Variants in SLC6A7 observed in about 807,000 individuals in gnomAD.
SLC6A7 encodes solute carrier family 6 member 7, also known as sodium-dependent proline transporter.
Under a neutral mutation model 73.1 loss-of-function variants are expected in SLC6A7, and 58 were observed. That is an observed-to-expected ratio of 0.79 (90% CI 0.64 to 0.99). The LOEUF (loss-of-function observed/expected upper bound fraction) is 0.99. SLC6A7 is among the 50% of genes least tolerant of loss of function. The probability of loss-of-function intolerance (pLI) is 0.00; values close to 1 mark genes in which losing one functional copy is unlikely to be tolerated. For synonymous variants in SLC6A7, 338 were observed against 338.7 expected (o/e 1.00, Z 0.02); for missense variants, 783 against 831.4 (o/e 0.94, Z 0.72).
chr5:150,198,105 AAG>A lies in SLC6A7; in HGVS notation c.584+831_584+832del, dbSNP rs1188448747. ...AAAGAAAGAAAGAAAGAAAGAAAGA[AAG>A]AAAGAAAGAGAAAGAAAGAAAGAAA... On this transcript the variant is annotated intron_variant, in intron 4 of 13. Coordinates refer to ENST00000230671, the MANE Select transcript of SLC6A7 (RefSeq NM_014228.5). Among the ~76,000 whole-genome samples the A allele has an allele frequency of 4.8e-5, 5 of 103,260 alleles. 1 individual carries two copies. The highest frequency in any genetic ancestry group is 1.4e-4 in the African/African-American group (4 of 28,528). 67.7% of individuals were successfully genotyped at this position (103,260 alleles called of 152,430 possible).
In SLC6A7 at chr5:150,209,556, G is replaced by A. The variant is rs766178501; in HGVS notation, c.1852G>A (p.Glu618Lys). The A allele has an allele frequency of 6.2e-6, 10 of 1,614,040 alleles. No individual in the cohort carries two copies. In the East Asian group the frequency reaches 1.1e-4, roughly 18 times the overall value. The change falls in exon 14 of 14, where the codon GAG becomes AAG. Residue 618 changes from glutamate to lysine, a missense_variant. Coordinates refer to ENST00000230671, the MANE Select transcript of SLC6A7 (RefSeq NM_014228.5). Reference sequence around the variant, plus strand: ...CAAGTACGGGGGCATCACCAGCTTCGAGAACACGGCCATCGAGGTGGACCG... The same window carrying A: ...CAAGTACGGGGGCATCACCAGCTTCAAGAACACGGCCATCGAGGTGGACCG... Reference protein sequence around the residue: ...MRKYGGITSFENTAIEVDREI... With the variant: ...MRKYGGITSFKNTAIEVDREI...
chr5:150,197,319 A>T, intron 4 of SLC6A7, 43 bp downstream of exon 4: 1 of 1,365,668 alleles, frequency 7.3e-7, no homozygotes, highest in Non-Finnish European at 1.0e-6. Flanking sequence ...GGGACCCTGC[A>T]CTGCTGAGGG....
chr5:150,190,561 G>A (rs995867313), intron 1 of SLC6A7, among the ~76,000 whole-genome samples: 8 of 152,198 alleles, frequency 5.3e-5, no homozygotes, highest in Non-Finnish European at 1.0e-4. Flanking sequence ...TCTGGGGTTC[G>A]GGATGTAGTA....
chr5:150,205,409 A>C (rs767575506), intron 12 of SLC6A7, 47 bp from the exon 13 acceptor site: 5 of 1,524,548 alleles, frequency 3.3e-6, no homozygotes, highest in Non-Finnish European at 4.4e-6. Flanking sequence ...GGCCTTAAGC[A>C]GTTTAGACAA....
chr5:150,201,544 A>G (rs1016173867), intron 6 of SLC6A7, among the ~76,000 whole-genome samples: 1 of 152,162 alleles, frequency 6.6e-6, no homozygotes, highest in African/African-American at 2.4e-5. Flanking sequence ...ATTCTCCAAG[A>G]ATACGATATA....
intron 4 of SLC6A7, among the ~76,000 whole-genome samples, chr5:150,198,811 GGTGTGTGTGTGTGTGTGTGTGTGTGT>G (rs774414750): frequency 1.8e-5 from 2 of 112,026 alleles, no homozygotes; most frequent in South Asian, 6.5e-4. Context: ...GGCCCTGGAT[GGTGTGTGTGTGTGTGTGTGTGTGTGT>G]GTGTGTGTGT....
chr5:150,204,204 G>T (rs1339748242), intron 10 of SLC6A7, among the ~76,000 whole-genome samples, 166 bp downstream of exon 10: 5 of 152,196 alleles, frequency 3.3e-5, no homozygotes, highest in African/African-American at 1.2e-4. Context: ...GTTTGGCCTT[G>T]TGATCCAGAG....
intron 1 of SLC6A7, among the ~76,000 whole-genome samples, chr5:150,194,123 C>T (rs1181819232): frequency 1.3e-5 from 2 of 152,186 alleles, no homozygotes; most frequent in African/African-American, 4.8e-5. Flanking sequence ...TCGTCATCCT[C>T]ATCCTCATCA....
Position 150,203,820 on chromosome 5 carries a change from G to GTGGTGTGT in SLC6A7, c.1200+41_1200+42insTGGTGTGT, listed in dbSNP as rs1554116761. The GTGGTGTGT allele has an allele frequency of 2.0e-4, 158 of 802,592 alleles. 1 individual carries two copies. The African/African-American group carries it at 2.5e-3, about 13-fold the overall frequency. 49.7% of individuals were successfully genotyped at this position (802,592 alleles called of 1,614,324 possible). Reference sequence around the variant, plus strand: ...GGCAGCAGGCACCCCGTGTGTGTGTGGTGTGTGTGTGTGTGTGTGTGTGTG... The same window carrying GTGGTGTGT: ...GGCAGCAGGCACCCCGTGTGTGTGTGTGGTGTGTGTGTGTGTGTGTGTGTGTGTGTGTG... On this transcript the variant is annotated intron_variant, in intron 9 of 13. Coordinates refer to ENST00000230671, the MANE Select transcript of SLC6A7 (RefSeq NM_014228.5).
chr5:150,192,225 G>C (rs1319270810), intron 1 of SLC6A7, among the ~76,000 whole-genome samples: 2 of 152,036 alleles, frequency 1.3e-5, no homozygotes, highest in Admixed American at 6.6e-5. Context: ...TTTGACCTTG[G>C]GCTCATCCCT....
intron 6 of SLC6A7, 79 bp downstream of exon 6, chr5:150,201,302 G>A (rs1014525220): frequency 1.3e-5 from 13 of 1,015,008 alleles, no homozygotes; most frequent in African/African-American, 3.3e-5. Flanking sequence ...CTGGGACACC[G>A]CAGTACCAGG....
intron 13 of SLC6A7, among the ~76,000 whole-genome samples, chr5:150,207,540 GA>G (rs1159846398): frequency 2.6e-5 from 4 of 152,190 alleles, no homozygotes; most frequent in African/African-American, 4.8e-5. Context: ...TTAAAATGGA[GA>G]GAGTGATACC....
chr5:150,198,955 G>A (rs144484382), intron 4 of SLC6A7, among the ~76,000 whole-genome samples: 4 of 151,874 alleles, frequency 2.6e-5, no homozygotes, highest in East Asian at 2.0e-4. Context: ...AAACCCACAC[G>A]GAAGCTGAAG....
intron 1 of SLC6A7, among the ~76,000 whole-genome samples, chr5:150,191,351 TCACA>T (rs1752774649): frequency 6.6e-6 from 1 of 151,218 alleles, no homozygotes. Flanking sequence ...TCACACTCAC[TCACA>T]CACACACTCA....
intron 3 of SLC6A7, 70 bp from the exon 4 acceptor site, chr5:150,196,972 C>T: frequency 6.5e-7 from 1 of 1,545,708 alleles, no homozygotes; most frequent in Non-Finnish European, 8.9e-7. Flanking sequence ...CTGCCAGCTC[C>T]CCAGAAGCCA....
chr5:150,199,651 A>G (rs1006930627), intron 5 of SLC6A7, among the ~76,000 whole-genome samples: 7 of 152,182 alleles, frequency 4.6e-5, no homozygotes, highest in African/African-American at 1.4e-4. Context: ...GCTCAGCAAG[A>G]GTTTGTTGAA....
chr5:150,191,362 C>G (rs1479618897), intron 1 of SLC6A7, among the ~76,000 whole-genome samples: 1 of 152,162 alleles, frequency 6.6e-6, no homozygotes, highest in Non-Finnish European at 1.5e-5. Flanking sequence ...CACACACACA[C>G]TCATTCATTC....
Position 150,196,773 on chromosome 5 carries a change from T to C in SLC6A7, c.275T>C (p.Phe92Ser), listed in dbSNP as rs144779539. ...MLAICGIPLF[F>S]LELSLGQFSS... ...GCCATCTGTGGCATCCCCCTCTTCT[T>C]CCTGGAGCTCTCCCTGGGCCAGTTC... Residue 92 changes from phenylalanine to serine, a missense_variant, in exon 3 of 14, where the codon TTC (phenylalanine) becomes TCC (serine). Physicochemically the swap from Phe to Ser is radical, Grantham distance 155. Coordinates refer to ENST00000230671, the MANE Select transcript of SLC6A7 (RefSeq NM_014228.5). The C allele has an allele frequency of 6.6e-5, 107 of 1,613,972 alleles. No homozygotes were observed. Among genetic ancestry groups the C allele is most frequent in the Non-Finnish European group, 8.8e-5 (104 of 1,179,980 alleles).
chr5:150,203,833 G>A (rs906784176), intron 9 of SLC6A7, 54 bp downstream of exon 9: 50 of 1,226,020 alleles, frequency 4.1e-5, no homozygotes, highest in Non-Finnish European at 5.9e-5. Context: ...GTGTGTGTGT[G>A]TGTGTGTGTG....
Sources: gnomAD v4.1 joint callset for allele counts (sites outside exome capture counted in the v4.1 genomes callset) on GRCh38, gnomAD v4.1.1 for gene constraint, MANE v1.5 for transcripts, NCBI Gene and HGNC (gene_info 2026-07-23, HGNC 2026-07-21) for gene names.